DDX52: variants seen among roughly 807,000 people sequenced by gnomAD.
DDX52 encodes probable ATP-dependent RNA helicase DDX52.
Under a neutral mutation model 76.1 loss-of-function variants are expected in DDX52, and 59 were observed. The ratio of observed to expected loss-of-function variants is 0.78; its 90% CI spans 0.63 to 0.96. The LOEUF is 0.96. Among genes scored for constraint, DDX52 ranks in the 40% least tolerant of loss-of-function variants. The pLI, the probability that DDX52 is intolerant of heterozygous loss-of-function variation, is 0.00. For synonymous variants in DDX52, 231 were observed against 244.1 expected (o/e 0.95, Z 0.50); for missense variants, 707 against 703.9 (o/e 1.00, Z -0.05).
Position 37,629,882 on chromosome 17 carries a change from A to G in DDX52, c.747+148T>C, listed in dbSNP as rs1419354567. Reference sequence around the variant, plus strand: ...TTAAAAGACTTGCCCACATGGAGTAAGATCCGGAGCACTGTGCTGTGTAGA... The same window carrying G: ...TTAAAAGACTTGCCCACATGGAGTAGGATCCGGAGCACTGTGCTGTGTAGA... On this transcript the variant is annotated intron_variant, in intron 5 of 14. Transcript: ENST00000617633. The G allele has an allele frequency of 1.9e-5, 18 of 957,022 alleles. No individual in the cohort carries two copies. In the Admixed American group the frequency reaches 2.1e-4, roughly 11 times the overall value. 59.3% of individuals were successfully genotyped at this position (957,022 alleles called of 1,614,324 possible).
At chr17:37,614,436 CA>C in intron 14 of DDX52, 83 bp from the exon 15 acceptor site, 7 of 1,341,324 alleles carry the variant, frequency 5.2e-6, no homozygotes, top group Non-Finnish European at 7.2e-6. Flanking sequence ...GTTTAATAAA[CA>C]TTTACTGAAA....
chr17:37,613,348 G>T lies in DDX52; in HGVS notation c.*948C>A, dbSNP rs1568595392. 6.6e-6 allele frequency: 1 copy of T among 152,162 alleles called. No homozygotes were observed. Among genetic ancestry groups the T allele is most frequent in the Non-Finnish European group, 1.5e-5 (1 of 68,028 alleles). 9.4% of individuals were successfully genotyped at this position (152,162 alleles called of 1,614,324 possible). ...CCATCAACCTAAGGAAAGATAAGCT[G>T]TAAGAGAATGAAGACAGAGGTATAT... On this transcript the variant is annotated 3_prime_UTR_variant, in exon 15 of 15. Coordinates refer to ENST00000617633, the MANE Select transcript of DDX52 (RefSeq NM_007010.5).
chr17:37,632,686 T>C (rs548876451), intron 3 of DDX52, among the ~76,000 whole-genome samples: 31 of 152,268 alleles, frequency 2.0e-4, no homozygotes, highest in Admixed American at 8.5e-4. Context: ...AGTCTAGTAG[T>C]GTTGATTTGG....
chr17:37,619,616 G>T, intron 13 of DDX52, 152 bp downstream of exon 13: 1 of 621,344 alleles, frequency 1.6e-6, no homozygotes. Context: ...GGGGACTGAG[G>T]CAGGAGGATC....
chr17:37,636,800 G>A (rs1030111777), intron 2 of DDX52, among the ~76,000 whole-genome samples: 6 of 152,110 alleles, frequency 3.9e-5, no homozygotes, highest in African/African-American at 4.8e-5. Flanking sequence ...CAGACCACCC[G>A]CATCAATTTA....
intron 9 of DDX52, 100 bp from the exon 10 acceptor site, chr17:37,621,620 AG>A: frequency 1.4e-6 from 2 of 1,448,520 alleles, no homozygotes; most frequent in Admixed American, 5.3e-5. Context: ...AATTCAATTT[AG>A]TGTACTTTCT....
chr17:37,622,397 G>A (rs931734932), intron 9 of DDX52, among the ~76,000 whole-genome samples: 3 of 151,622 alleles, frequency 2.0e-5, no homozygotes, highest in Non-Finnish European at 2.9e-5. Context: ...AGGTTCAAGC[G>A]ATTCTCCTGC....
At chr17:37,642,479 A>G (rs1568613543) in intron 1 of DDX52, among the ~76,000 whole-genome samples, 171 bp from the exon 2 acceptor site, 1 of 152,210 alleles carries the variant, frequency 6.6e-6, no homozygotes, top group Non-Finnish European at 1.5e-5. Context: ...ACCTCATAAT[A>G]GTAACAAATT....
chr17:37,639,557 G>T, intron 2 of DDX52: 4 of 456,214 alleles, frequency 8.8e-6, no homozygotes, highest in Non-Finnish European at 1.2e-5. Context: ...CTAACATGGT[G>T]AAACCCTGTC....
chr17:37,620,286 A>C (rs1044580884), intron 12 of DDX52: 2 of 166,982 alleles, frequency 1.2e-5, no homozygotes, highest in African/African-American at 4.8e-5. Flanking sequence ...ACTGAGGTGC[A>C]TAGTTTTACA....
intron 14 of DDX52, among the ~76,000 whole-genome samples, chr17:37,616,264 G>A (rs1344918554): frequency 6.6e-6 from 1 of 152,158 alleles, no homozygotes; most frequent in Admixed American, 6.5e-5. Flanking sequence ...GACAGATTAG[G>A]TGACCAAAGT....
At chr17:37,617,602 C>G (rs777170706) in intron 14 of DDX52, among the ~76,000 whole-genome samples, 3 of 152,192 alleles carry the variant, frequency 2.0e-5, no homozygotes, top group Non-Finnish European at 4.4e-5. Context: ...TGTGCATCTG[C>G]GTAAGCCTGA....
chr17:37,641,637 T>C (rs1489881137), intron 2 of DDX52, among the ~76,000 whole-genome samples: 1 of 151,770 alleles, frequency 6.6e-6, no homozygotes, highest in Non-Finnish European at 1.5e-5. Flanking sequence ...CTCAGGAGGC[T>C]GAGGCAGGAG....
At chr17:37,619,913 A>G in intron 12 of DDX52, 74 bp from the exon 13 acceptor site, 1 of 1,454,832 alleles carries the variant, frequency 6.9e-7, no homozygotes, top group Non-Finnish European at 9.5e-7. Flanking sequence ...CCCTCTGCAC[A>G]ACCTTACAGG....
chr17:37,626,699 C>A (rs2030391858), intron 7 of DDX52, 89 bp downstream of exon 7: 1 of 1,362,736 alleles, frequency 7.3e-7, no homozygotes, highest in East Asian at 2.3e-5. Flanking sequence ...ACAGCAAGCT[C>A]CAAAGACAAA....
chr17:37,639,782 T>C (rs1367336868), intron 2 of DDX52, among the ~76,000 whole-genome samples: 1 of 151,968 alleles, frequency 6.6e-6, no homozygotes, highest in Non-Finnish European at 1.5e-5. Context: ...ACATTTATCA[T>C]AGATCTACGG....
chr17:37,621,157 T>G lies in DDX52; in HGVS notation c.1471A>C (p.Thr491Pro). ...CTGTGGATATATTCCACTGAGCTAG[T>G]TGGAAAGTCATAGTTGATCACCAAG... is the stretch of plus-strand genomic sequence containing the variant. ...VNLVINYDFP[T>P]SSVEYIHRIG... The change falls in exon 11 of 15, where the codon ACT becomes CCT. Residue 491 changes from threonine to proline, a missense_variant. Physicochemically the swap from Thr to Pro is conservative, Grantham distance 38. Coordinates refer to ENST00000617633, the MANE Select transcript of DDX52 (RefSeq NM_007010.5). 6.2e-7 allele frequency: 1 copy of G among 1,612,804 alleles called. No homozygotes were observed. The highest frequency in any genetic ancestry group is 2.2e-5 in the East Asian group (1 of 44,872).
In DDX52 at chr17:37,617,313, A is replaced by G. The variant is rs2029873753; in HGVS notation, c.1742+979T>C. On this transcript the variant is annotated intron_variant, in intron 14 of 14. Transcript: ENST00000617633. ...GCCATTGATAGCACTCTCAGGGGAGAAAAAAACAATAAATTATAGACTTGA... is the reference window on the plus strand; with the variant it reads ...GCCATTGATAGCACTCTCAGGGGAGGAAAAAACAATAAATTATAGACTTGA... Among the ~76,000 whole-genome samples, 5 of 152,316 alleles carry G rather than the reference A, an allele frequency of 3.3e-5. 1 individual carries two copies. The highest frequency in any genetic ancestry group is 6.8e-3 in the Middle Eastern group (2 of 294).
At chr17:37,624,497 A>G in intron 8 of DDX52, 63 bp from the exon 9 acceptor site, 1 of 1,275,088 alleles carries the variant, frequency 7.8e-7, no homozygotes, top group Non-Finnish European at 1.1e-6. Flanking sequence ...CCTGAACTCT[A>G]AATAAATGAA....
Sources: allele counts gnomAD v4.1 joint callset (sites outside exome capture counted in the v4.1 genomes callset), GRCh38; gene constraint gnomAD v4.1.1; transcripts MANE v1.5; gene names NCBI Gene and HGNC (gene_info 2026-07-23, HGNC 2026-07-21).